Variants in CNTN5 observed in about 807,000 individuals in gnomAD.
CNTN5 encodes the protein contactin 5.
CNTN5 carries 77 observed loss-of-function variants against 129.1 expected under a neutral mutation model. The ratio of observed to expected loss-of-function variants is 0.60; its 90% confidence interval spans 0.50 to 0.72. CNTN5 has a LOEUF of 0.72. CNTN5 is among the 30% of genes least tolerant of loss of function. CNTN5 has a pLI of 0.00. For synonymous variants in CNTN5, 509 were observed against 465.6 expected (o/e 1.09, Z -1.20); for missense variants, 1,478 against 1,328.8 (o/e 1.11, Z -1.75).
intron 13 of CNTN5, among the ~76,000 whole-genome samples, chr11:100,122,206 G>A (rs537016232): frequency 6.6e-6 from 1 of 152,040 alleles, no homozygotes; most frequent in South Asian, 2.1e-4. Context: ...ACCTGAGAAC[G>A]GGGTGATGGT....
intron 2 of CNTN5, among the ~76,000 whole-genome samples, chr11:99,492,414 C>T (rs1042448846): frequency 1.3e-5 from 2 of 152,164 alleles, no homozygotes; most frequent in Non-Finnish European, 2.9e-5. Flanking sequence ...GGAATCCAAG[C>T]TCATGTTTAC....
chr11:99,034,651 C>T (rs892716461), intron 1 of CNTN5, among the ~76,000 whole-genome samples: 8 of 150,212 alleles, frequency 5.3e-5, no homozygotes, highest in African/African-American at 1.5e-4. Context: ...CTATTTGATT[C>T]TTCTCTCTTT....
chr11:99,585,384 G>C (rs1565322968), intron 3 of CNTN5, among the ~76,000 whole-genome samples: 1 of 151,980 alleles, frequency 6.6e-6, no homozygotes, highest in Non-Finnish European at 1.5e-5. Flanking sequence ...AATGAAAAAA[G>C]GTAGGAGGAT....
intron 6 of CNTN5, among the ~76,000 whole-genome samples, chr11:99,859,595 G>A (rs1225610487): frequency 1.3e-5 from 2 of 152,112 alleles, no homozygotes; most frequent in Admixed American, 6.5e-5. Context: ...AGGTGAGAAC[G>A]TGTGGTATTT....
intron 2 of CNTN5, among the ~76,000 whole-genome samples, chr11:99,392,811 CAT>C (rs1941331754): frequency 1.3e-5 from 2 of 151,812 alleles, no homozygotes; most frequent in South Asian, 4.1e-4. Flanking sequence ...AGAATAAAGA[CAT>C]ATTTTTAATC....
chr11:99,868,305 A>T (rs149427990), intron 6 of CNTN5, among the ~76,000 whole-genome samples: 198 of 151,800 alleles, frequency 1.3e-3, no homozygotes, highest in African/African-American at 4.5e-3. Context: ...AACAATAACA[A>T]TAATTGTAAA....
chr11:100,012,300 C>T (rs1014100692), intron 9 of CNTN5, among the ~76,000 whole-genome samples: 6 of 152,020 alleles, frequency 3.9e-5, no homozygotes, highest in African/African-American at 1.4e-4. Flanking sequence ...ACCTAACAAA[C>T]GTGAATTTGT....
intron 3 of CNTN5, among the ~76,000 whole-genome samples, chr11:99,787,151 A>G (rs1014026353): frequency 4.6e-5 from 7 of 150,806 alleles, no homozygotes; most frequent in Admixed American, 6.6e-5. Flanking sequence ...GTTTTAGGGT[A>G]CATGTGCACC....
At chr11:99,056,213 C>G (rs547072889) in intron 1 of CNTN5, among the ~76,000 whole-genome samples, 1 of 152,048 alleles carries the variant, frequency 6.6e-6, no homozygotes, top group East Asian at 1.9e-4. Flanking sequence ...AATGAAGTGT[C>G]TCACCAAATA....
At chr11:99,899,038 C>G (rs762725425) in intron 6 of CNTN5, among the ~76,000 whole-genome samples, 1 of 151,842 alleles carries the variant, frequency 6.6e-6, no homozygotes, top group Non-Finnish European at 1.5e-5. Flanking sequence ...ACATTATTAG[C>G]GTATGGAAGT....
intron 8 of CNTN5, among the ~76,000 whole-genome samples, chr11:100,001,774 A>G (rs555225690): frequency 7.2e-5 from 11 of 152,364 alleles, no homozygotes; most frequent in African/African-American, 2.6e-4. Context: ...CTGTACTACT[A>G]ATGTTGATTA....
intron 1 of CNTN5, among the ~76,000 whole-genome samples, chr11:99,109,482 G>A (rs1485213788): frequency 1.3e-5 from 2 of 151,954 alleles, no homozygotes; most frequent in African/African-American, 4.8e-5. Context: ...GACTTTCCAA[G>A]GTCACACACC....
intron 1 of CNTN5, among the ~76,000 whole-genome samples, chr11:99,297,502 A>T (rs943878838): frequency 6.6e-6 from 1 of 152,200 alleles, no homozygotes; most frequent in African/African-American, 2.4e-5. Context: ...TTCTTGGCCA[A>T]GAGGGACTTT....
At chr11:99,576,641 G>T (rs145779433) in intron 3 of CNTN5, among the ~76,000 whole-genome samples, 4 of 152,254 alleles carry the variant, frequency 2.6e-5, no homozygotes, top group African/African-American at 9.6e-5. Flanking sequence ...TAAACTGGGT[G>T]GCTTATAAAC....
intron 13 of CNTN5, among the ~76,000 whole-genome samples, chr11:100,145,149 C>CATATATCATACCTACTTTGTAG (rs1946811723): frequency 6.6e-6 from 1 of 152,008 alleles, no homozygotes; most frequent in East Asian, 1.9e-4. Flanking sequence ...ATGTAAAACT[C>CATATATCATACCTACTTTGTAG]AGGATAATCA....
chr11:99,203,466 A>G (rs1859319190), intron 1 of CNTN5, among the ~76,000 whole-genome samples: 1 of 151,874 alleles, frequency 6.6e-6, no homozygotes, highest in Non-Finnish European at 1.5e-5. Context: ...ATCATATAAT[A>G]AGTTATAGGC....
chr11:99,586,704 A>G (rs1949804476), intron 3 of CNTN5, among the ~76,000 whole-genome samples: 2 of 152,166 alleles, frequency 1.3e-5, no homozygotes, highest in South Asian at 4.1e-4. Context: ...TGTATAGTAG[A>G]TGTCTCTCTA....
chr11:99,123,654 GTT>G (rs35040329), intron 1 of CNTN5, among the ~76,000 whole-genome samples: 83 of 141,192 alleles, frequency 5.9e-4, no homozygotes, highest in Middle Eastern at 3.7e-3. Context: ...ATCTTCCAGG[GTT>G]TTTTTTTTTT....
chr11:100,035,769 C>A (rs1941959614), intron 9 of CNTN5, among the ~76,000 whole-genome samples: 1 of 151,538 alleles, frequency 6.6e-6, no homozygotes, highest in African/African-American at 2.4e-5. Context: ...TAAATGTCTT[C>A]TTTTGAGAAG....
Sources: allele counts gnomAD v4.1 joint callset (sites outside exome capture counted in the v4.1 genomes callset), GRCh38; gene constraint gnomAD v4.1.1; transcripts MANE v1.5; gene names NCBI Gene and HGNC (gene_info 2026-07-23, HGNC 2026-07-21).